Variants in PRR5L observed in about 807,000 individuals in gnomAD.
PRR5L encodes the protein proline-rich protein 5-like.
PRR5L carries 21 observed loss-of-function variants against 36.4 expected under a neutral mutation model. The ratio of observed to expected loss-of-function variants is 0.58; its 90% CI spans 0.41 to 0.83. PRR5L has a LOEUF of 0.83. Ranked by LOEUF, PRR5L falls within the 40% of genes least tolerant of loss-of-function variation. PRR5L has a pLI of 0.00. For missense variants in PRR5L, 381 were observed against 473.3 expected (o/e 0.80, Z 1.81); for synonymous variants, 188 against 197.0 (o/e 0.95, Z 0.38).
intron 1 of PRR5L, among the ~76,000 whole-genome samples, chr11:36,400,710 G>A (rs1857773707): frequency 6.6e-6 from 1 of 152,280 alleles, no homozygotes; most frequent in South Asian, 2.1e-4. Flanking sequence ...CAAACTGATG[G>A]CTGCATATTG....
chr11:36,441,147 C>T (rs1858714541), intron 6 of PRR5L, among the ~76,000 whole-genome samples: 1 of 152,226 alleles, frequency 6.6e-6, no homozygotes, highest in Non-Finnish European at 1.5e-5. Context: ...AAAATACAAT[C>T]ATTCCTGCCC....
Position 36,462,739 on chromosome 11 carries a change from C to G in PRR5L, c.*3C>G. On this transcript the variant is annotated 3_prime_UTR_variant, in exon 9 of 9. Coordinates refer to ENST00000530639, the MANE Select transcript of PRR5L (RefSeq NM_001160167.2). ...TGAACTGTGCTTCCCTCAGCTGAGT[C>G]GCCACCCCTGGGCCTTTCCATCTCC... 1 of 1,536,726 alleles carries G rather than the reference C, an allele frequency of 6.5e-7. No individual in the cohort carries two copies. The highest frequency in any genetic ancestry group is 8.8e-7 in the Non-Finnish European group (1 of 1,141,284).
At chr11:36,350,377 G>A (rs1856916828) in intron 1 of PRR5L, among the ~76,000 whole-genome samples, 1 of 151,634 alleles carries the variant, frequency 6.6e-6, no homozygotes, top group Admixed American at 6.6e-5. Flanking sequence ...TGGTGGAGAA[G>A]TGAAGAATAA....
chr11:36,422,289 G>A (rs976969074), intron 4 of PRR5L, among the ~76,000 whole-genome samples: 4 of 152,156 alleles, frequency 2.6e-5, no homozygotes, highest in Non-Finnish European at 5.9e-5. Flanking sequence ...GTCAGATGTC[G>A]TTTCAGGAGG....
chr11:36,436,240 C>T (rs977543386), intron 5 of PRR5L, among the ~76,000 whole-genome samples: 5 of 152,220 alleles, frequency 3.3e-5, no homozygotes, highest in Non-Finnish European at 5.9e-5. Context: ...TCTTGCCAAA[C>T]GCGTCTCTCA....
intron 1 of PRR5L, among the ~76,000 whole-genome samples, chr11:36,390,827 TCA>T (rs1857549853): frequency 6.6e-6 from 1 of 152,224 alleles, no homozygotes; most frequent in Non-Finnish European, 1.5e-5. Flanking sequence ...AGTGCCCGCC[TCA>T]CAGTTGGCAG....
At chr11:36,376,674 C>A in intron 1 of PRR5L, 1 of 989,556 alleles carries the variant, frequency 1.0e-6, no homozygotes, top group Non-Finnish European at 1.2e-6. Flanking sequence ...GTGCGCGACT[C>A]GGGGTGATTC....
chr11:36,326,332 CACACAG>C (rs1856662761), intron 1 of PRR5L, among the ~76,000 whole-genome samples: 1 of 151,030 alleles, frequency 6.6e-6, no homozygotes, highest in African/African-American at 2.4e-5. Context: ...CACACACACA[CACACAG>C]GCAAACCATT....
intron 8 of PRR5L, among the ~76,000 whole-genome samples, chr11:36,452,360 G>A (rs1858962871): frequency 6.6e-6 from 1 of 152,312 alleles, no homozygotes; most frequent in Middle Eastern, 3.4e-3. Context: ...CCTCCAGTGA[G>A]GTTCCTGCCC....
At chr11:36,310,446 G>A (rs1856488810) in intron 1 of PRR5L, among the ~76,000 whole-genome samples, 1 of 151,462 alleles carries the variant, frequency 6.6e-6, no homozygotes. Flanking sequence ...TCACTCAGGA[G>A]CAGACCCTGA....
chr11:36,388,698 C>CTTTTTTTTTTTT (rs36056659), intron 1 of PRR5L, among the ~76,000 whole-genome samples: 6 of 109,132 alleles, frequency 5.5e-5, no homozygotes, highest in Admixed American at 1.0e-4. Context: ...CTCTTTCTTT[C>CTTTTTTTTTTTT]TTTTTTTTTT....
At chr11:36,341,017 C>T (rs1309498391) in intron 1 of PRR5L, among the ~76,000 whole-genome samples, 1 of 152,140 alleles carries the variant, frequency 6.6e-6, no homozygotes, top group Non-Finnish European at 1.5e-5. Context: ...AAACATAAGC[C>T]CATAAACAAA....
Position 36,446,454 on chromosome 11 carries a change from G to A in PRR5L, c.585+14G>A, listed in dbSNP as rs1387669191. The A allele has an allele frequency of 1.2e-6, 2 of 1,613,410 alleles. No individual in the cohort carries two copies. Among genetic ancestry groups the A allele is most frequent in the Non-Finnish European group, 1.7e-6 (2 of 1,179,520 alleles). On this transcript the variant is annotated intron_variant, in intron 7 of 8. Transcript: ENST00000530639. ...CTCATCCTGCAGGTGAGGCTGTGCT[G>A]GAGACTTGCCCCAAGGCAGAGGGAG...
intron 1 of PRR5L, among the ~76,000 whole-genome samples, chr11:36,309,158 G>A (rs1415664064): frequency 6.6e-6 from 1 of 152,180 alleles, no homozygotes; most frequent in Non-Finnish European, 1.5e-5. Context: ...TATGGCTCAG[G>A]GAGGGAAAGA....
chr11:36,437,204 C>T (rs548428381), intron 5 of PRR5L, among the ~76,000 whole-genome samples, 181 bp from the exon 6 acceptor site: 2 of 152,252 alleles, frequency 1.3e-5, no homozygotes, highest in South Asian at 4.1e-4. Flanking sequence ...TTGGTCTTAG[C>T]CTGGAATTAA....
chr11:36,296,988 T>C (rs1381212229), intron 1 of PRR5L, among the ~76,000 whole-genome samples: 5 of 152,238 alleles, frequency 3.3e-5, no homozygotes, highest in Admixed American at 6.5e-5. Flanking sequence ...CAATGATATA[T>C]GATGATAGCT....
At chr11:36,437,328 A>G in intron 5 of PRR5L, 57 bp from the exon 6 acceptor site, 1 of 1,143,336 alleles carries the variant, frequency 8.7e-7, no homozygotes, top group Non-Finnish European at 1.3e-6. Flanking sequence ...CTCTCCTACA[A>G]GTAATGACGA....
intron 1 of PRR5L, among the ~76,000 whole-genome samples, chr11:36,379,916 G>A (rs116770959): frequency 0.015 from 2,336 of 152,242 alleles, 53 homozygotes; most frequent in African/African-American, 0.053. Flanking sequence ...AGGTAGGAAG[G>A]TATTATTTTC....
At chr11:36,382,652 C>T (rs538601573) in intron 1 of PRR5L, among the ~76,000 whole-genome samples, 127 of 152,254 alleles carry the variant, frequency 8.3e-4, no homozygotes, top group Middle Eastern at 3.4e-3. Flanking sequence ...ATGGTTTTGG[C>T]GGATAATTCT....
Sources: allele counts gnomAD v4.1 joint callset (sites outside exome capture counted in the v4.1 genomes callset), GRCh38; gene constraint gnomAD v4.1.1; transcripts MANE v1.5; gene names NCBI Gene and HGNC (gene_info 2026-07-23, HGNC 2026-07-21).